AGBL4: variants seen among roughly 807,000 people sequenced by gnomAD.
AGBL4 encodes AGBL carboxypeptidase 4, also known as cytosolic carboxypeptidase 6.
Under a neutral mutation model 66.4 loss-of-function variants are expected in AGBL4, and 58 were observed. That is an observed-to-expected ratio of 0.87 (90% CI 0.71 to 1.09). The LOEUF (loss-of-function observed/expected upper bound fraction) is 1.09. Ranked by LOEUF, AGBL4 falls within the 50% of genes least tolerant of loss-of-function variation. AGBL4 has a pLI of 0.00. For missense variants in AGBL4, 579 were observed against 631.0 expected (o/e 0.92, Z 0.88); for synonymous variants, 234 against 222.9 (o/e 1.05, Z -0.44).
At chr1:49,754,360 A>G (rs1186338337) in intron 2 of AGBL4, among the ~76,000 whole-genome samples, 2 of 151,070 alleles carry the variant, frequency 1.3e-5, no homozygotes, top group Non-Finnish European at 1.5e-5. Flanking sequence ...GGTTAGTTAC[A>G]TATGTATACA....
chr1:49,195,101 CA>C (rs1647202636), intron 4 of AGBL4, among the ~76,000 whole-genome samples: 2 of 152,082 alleles, frequency 1.3e-5, no homozygotes, highest in African/African-American at 4.8e-5. Flanking sequence ...TTCCACCTTC[CA>C]AAATGTCGAG....
rs34372698 is a variant in AGBL4, at chr1:48,778,135, A to ACATCCATCCATC, written c.634+89044_634+89055dup. Among the ~76,000 whole-genome samples the ACATCCATCCATC allele has an allele frequency of 1.9e-3, 285 of 148,712 alleles. 2 individuals carry two copies. Among genetic ancestry groups the ACATCCATCCATC allele is most frequent in the Middle Eastern group, 0.01 (3 of 292 alleles). On this transcript the variant is annotated intron_variant, in intron 6 of 13. Transcript: ENST00000371839. Reference sequence around the variant, plus strand: ...GGTAAAGAAGAATAAATAAAAACCCACATCCATCCATCCATCCATCCATCC... The same window carrying ACATCCATCCATC: ...GGTAAAGAAGAATAAATAAAAACCCACATCCATCCATCCATCCATCCATCCATCCATCCATCC...
intron 3 of AGBL4, among the ~76,000 whole-genome samples, chr1:49,274,770 T>G (rs1356200799): frequency 1.3e-5 from 2 of 152,150 alleles, no homozygotes; most frequent in Admixed American, 1.3e-4. Context: ...AATACATTCA[T>G]GACTATTGCT....
chr1:48,564,128 T>A (rs1277573995), intron 11 of AGBL4, among the ~76,000 whole-genome samples: 1 of 152,086 alleles, frequency 6.6e-6, no homozygotes, highest in Non-Finnish European at 1.5e-5. Flanking sequence ...CTTCTCTCCA[T>A]TGCACAGCCT....
At chr1:49,943,170 T>C (rs1654920568) in intron 1 of AGBL4, among the ~76,000 whole-genome samples, 1 of 152,090 alleles carries the variant, frequency 6.6e-6, no homozygotes, top group African/African-American at 2.4e-5. Flanking sequence ...GGATAACAAG[T>C]GTCGCCAAAA....
chr1:48,863,106 C>T (rs1482261636), intron 6 of AGBL4, among the ~76,000 whole-genome samples: 1 of 151,992 alleles, frequency 6.6e-6, no homozygotes, highest in African/African-American at 2.4e-5. Context: ...TTAACTTAGT[C>T]TAAACAAGAA....
At chr1:49,100,008 T>G (rs1278590241) in intron 4 of AGBL4, among the ~76,000 whole-genome samples, 16 of 152,150 alleles carry the variant, frequency 1.1e-4, no homozygotes. Flanking sequence ...TCAAGGTCAG[T>G]ACTAACAGTG....
chr1:49,711,993 A>G (rs1647705630), intron 2 of AGBL4, among the ~76,000 whole-genome samples: 1 of 151,958 alleles, frequency 6.6e-6, no homozygotes. Flanking sequence ...ACTGACTATA[A>G]TGGGATGATA....
At chr1:49,535,811 C>T (rs535965782) in intron 3 of AGBL4, among the ~76,000 whole-genome samples, 43 of 152,320 alleles carry the variant, frequency 2.8e-4, no homozygotes, top group Middle Eastern at 6.8e-3. Flanking sequence ...CCTGCCTCAG[C>T]CTCCCAAGTA....
intron 9 of AGBL4, among the ~76,000 whole-genome samples, chr1:48,599,969 G>A (rs1041465717): frequency 1.3e-5 from 2 of 152,166 alleles, no homozygotes; most frequent in African/African-American, 4.8e-5. Flanking sequence ...GGCCTCTAAA[G>A]TTGAAAGTTT....
chr1:49,758,166 T>G (rs1457790485), intron 2 of AGBL4, among the ~76,000 whole-genome samples: 1 of 152,284 alleles, frequency 6.6e-6, no homozygotes, highest in South Asian at 2.1e-4. Flanking sequence ...CCACATGATG[T>G]TAGTCCTGCG....
At chr1:49,546,742 AT>A (rs1652522450) in intron 3 of AGBL4, among the ~76,000 whole-genome samples, 2 of 152,060 alleles carry the variant, frequency 1.3e-5, no homozygotes, top group African/African-American at 4.8e-5. Flanking sequence ...TTTGATTTGC[AT>A]TTCCCTGATC....
At chr1:48,768,522 A>G (rs1469294610) in intron 6 of AGBL4, among the ~76,000 whole-genome samples, 1 of 152,222 alleles carries the variant, frequency 6.6e-6, no homozygotes, top group Non-Finnish European at 1.5e-5. Flanking sequence ...TAATAGGCAA[A>G]TGGTGTTTTA....
intron 1 of AGBL4, among the ~76,000 whole-genome samples, chr1:49,997,802 A>AG (rs1304772220): frequency 1.3e-5 from 2 of 152,212 alleles, no homozygotes; most frequent in Non-Finnish European, 1.5e-5. Context: ...ACCATATGAT[A>AG]GGGCACAAAA....
chr1:48,525,589 G>T, the AGBL4 span, among the ~76,000 whole-genome samples: 2,073 of 152,148 alleles, frequency 0.014, 44 homozygotes, highest in African/African-American at 0.047. Flanking sequence ...TTTATTTTCT[G>T]CTGAGGATTA....
chr1:49,961,891 C>T (rs933519995), intron 1 of AGBL4, among the ~76,000 whole-genome samples: 1 of 152,004 alleles, frequency 6.6e-6, no homozygotes, highest in Non-Finnish European at 1.5e-5. Context: ...TGTACAGCAC[C>T]TTTGAAATGT....
At chr1:48,921,488 C>T (rs956011688) in intron 5 of AGBL4, among the ~76,000 whole-genome samples, 2 of 152,146 alleles carry the variant, frequency 1.3e-5, no homozygotes, top group South Asian at 2.1e-4. Context: ...CAAATTACAC[C>T]TTTGTTATTT....
At chr1:48,970,757 T>A (rs1041472934) in intron 5 of AGBL4, among the ~76,000 whole-genome samples, 1 of 152,100 alleles carries the variant, frequency 6.6e-6, no homozygotes, top group Non-Finnish European at 1.5e-5. Flanking sequence ...GCGACACATA[T>A]GTGGGGTAGT....
At chr1:49,850,519 G>A (rs1295144414) in intron 2 of AGBL4, among the ~76,000 whole-genome samples, 4 of 152,056 alleles carry the variant, frequency 2.6e-5, no homozygotes, top group Admixed American at 6.6e-5. Context: ...AACCCACTTC[G>A]TAGTACTTTG....
Sources: allele counts gnomAD v4.1 joint callset (sites outside exome capture counted in the v4.1 genomes callset), GRCh38; gene constraint gnomAD v4.1.1; transcripts MANE v1.5; gene names NCBI Gene and HGNC (gene_info 2026-07-23, HGNC 2026-07-21).